The following IQCM variants were observed in gnomAD, a reference collection of about 807,000 sequenced individuals.
IQCM encodes IQ motif containing M, also known as IQ domain-containing protein M.
Under a neutral mutation model 57.6 loss-of-function variants are expected in IQCM, and 45 were observed. That is an observed-to-expected ratio of 0.78 (90% CI 0.62 to 1.00). The LOEUF is 1.00. IQCM is among the 50% of genes least tolerant of loss of function. IQCM has a pLI of 0.00. For synonymous variants in IQCM, 148 were observed against 158.9 expected (o/e 0.93, Z 0.51); for missense variants, 468 against 511.6 (o/e 0.91, Z 0.82).
At chr4:149,468,783 A>T (rs1295079781) in intron 12 of IQCM, among the ~76,000 whole-genome samples, 1 of 152,170 alleles carries the variant, frequency 6.6e-6, no homozygotes, top group East Asian at 1.9e-4. Context: ...AAGCTTCCAA[A>T]GGAAGGATCA....
At chr4:149,719,695 G>T (rs1765285929) in intron 5 of IQCM, among the ~76,000 whole-genome samples, 1 of 152,088 alleles carries the variant, frequency 6.6e-6, no homozygotes, top group Non-Finnish European at 1.5e-5. Flanking sequence ...ACTGTCTTCT[G>T]TGACCTCCAA....
At chr4:149,741,877 G>A (rs1437453544) in intron 3 of IQCM, among the ~76,000 whole-genome samples, 1 of 152,072 alleles carries the variant, frequency 6.6e-6, no homozygotes, top group Admixed American at 6.6e-5. Flanking sequence ...CTCGATAGAG[G>A]TAATAATTTT....
intron 8 of IQCM, among the ~76,000 whole-genome samples, chr4:149,589,292 T>G (rs1752912695): frequency 6.6e-6 from 1 of 151,918 alleles, no homozygotes; most frequent in South Asian, 2.1e-4. Context: ...TAACAAAAAT[T>G]TATTGGTCAG....
chr4:149,694,646 C>T (rs559080354), intron 5 of IQCM, among the ~76,000 whole-genome samples: 4 of 152,106 alleles, frequency 2.6e-5, no homozygotes, highest in African/African-American at 7.2e-5. Flanking sequence ...AACTAGTTTT[C>T]TATAATTTAA....
rs150736381 is a variant in IQCM at position 149,772,141 on chromosome 4, C to T, written c.-48-29402G>A. Among the ~76,000 whole-genome samples, 5 of 152,148 alleles carry T rather than the reference C, an allele frequency of 3.3e-5. No individual in the cohort carries two copies. In the East Asian group the frequency reaches 9.6e-4, roughly 29 times the overall value. ...GAAATTTCTGCAAATAAAATAATTA[C>T]AAATGCAGAGATACACATTTGTATA... is the stretch of plus-strand genomic sequence containing the variant. On this transcript the variant is annotated intron_variant, in intron 2 of 13. Transcript: ENST00000636793.
intron 8 of IQCM, among the ~76,000 whole-genome samples, chr4:149,602,917 A>T (rs912668605): frequency 2.0e-5 from 3 of 152,132 alleles, no homozygotes; most frequent in Admixed American, 6.5e-5. Context: ...AACCATATAT[A>T]ACAAAATACA....
chr4:149,698,064 A>G (rs1039875661), intron 5 of IQCM, among the ~76,000 whole-genome samples: 1 of 152,076 alleles, frequency 6.6e-6, no homozygotes. Flanking sequence ...GAATAAAGAC[A>G]TCTGTGCTAG....
At chr4:149,787,377 G>T (rs545973027) in intron 2 of IQCM, among the ~76,000 whole-genome samples, 1 of 151,002 alleles carries the variant, frequency 6.6e-6, no homozygotes, top group African/African-American at 2.4e-5. Context: ...AACTTATATA[G>T]AAACAAAAAA....
chr4:149,646,586 A>G (rs1482238826), intron 7 of IQCM, among the ~76,000 whole-genome samples: 2 of 152,232 alleles, frequency 1.3e-5, no homozygotes, highest in Non-Finnish European at 2.9e-5. Context: ...CAACTTTTCT[A>G]TATCCTATGT....
chr4:149,712,055 C>A (rs182613854), intron 5 of IQCM, among the ~76,000 whole-genome samples: 1 of 152,076 alleles, frequency 6.6e-6, no homozygotes, highest in African/African-American at 2.4e-5. Context: ...CAGGCTTGTT[C>A]CCCTGGTTCT....
chr4:149,704,372 C>CTGGATT (rs951218845), intron 5 of IQCM, among the ~76,000 whole-genome samples: 4 of 151,838 alleles, frequency 2.6e-5, no homozygotes, highest in African/African-American at 9.7e-5. Context: ...CAGCCCATCG[C>CTGGATT]TTATTTTTGC....
At chr4:149,390,885 T>C (rs1731802677) in intron 13 of IQCM, among the ~76,000 whole-genome samples, 1 of 151,886 alleles carries the variant, frequency 6.6e-6, no homozygotes, top group Non-Finnish European at 1.5e-5. Context: ...TGTTTTGTTT[T>C]TTTTTTCTTT....
At chr4:149,549,350 C>T (rs1266290554) in intron 11 of IQCM, among the ~76,000 whole-genome samples, 1 of 151,016 alleles carries the variant, frequency 6.6e-6, no homozygotes, top group African/African-American at 2.5e-5. Context: ...CCCGTCTCTA[C>T]TAAAAATACA....
At chr4:149,499,935 C>G (rs1242415036) in intron 12 of IQCM, among the ~76,000 whole-genome samples, 1 of 152,154 alleles carries the variant, frequency 6.6e-6, no homozygotes, top group Non-Finnish European at 1.5e-5. Flanking sequence ...TGTGTCTGAC[C>G]CTTCCTTGCT....
chr4:149,596,039 GAAAATTTCTTTAACCTTCACAAAAAATT>G (rs1753745426), intron 8 of IQCM, among the ~76,000 whole-genome samples: 1 of 152,104 alleles, frequency 6.6e-6, no homozygotes, highest in Non-Finnish European at 1.5e-5. Flanking sequence ...AGTCACTAGA[GAAAATTTCTTTAACCTTCACAAAAAATT>G]AAAACCACAG....
intron 8 of IQCM, among the ~76,000 whole-genome samples, chr4:149,596,610 AAG>A (rs912134085): frequency 6.6e-6 from 1 of 152,116 alleles, no homozygotes; most frequent in African/African-American, 2.4e-5. Context: ...GTCCTGTAGA[AAG>A]AGAGAGACTG....
intron 8 of IQCM, among the ~76,000 whole-genome samples, chr4:149,609,746 A>G (rs1755114635): frequency 1.3e-5 from 2 of 152,072 alleles, no homozygotes; most frequent in South Asian, 4.1e-4. Context: ...CAACATAACA[A>G]AAGCCATAGA....
intron 13 of IQCM, among the ~76,000 whole-genome samples, chr4:149,411,971 TATAGTCTTTTTAG>T (rs1286094670): frequency 6.6e-6 from 1 of 152,192 alleles, no homozygotes; most frequent in African/African-American, 2.4e-5. Context: ...AATTAAGCTA[TATAGTCTTTTTAG>T]ATGGATATCA....
intron 2 of IQCM, among the ~76,000 whole-genome samples, chr4:149,763,808 A>G (rs1163077612): frequency 1.3e-5 from 2 of 151,970 alleles, no homozygotes; most frequent in Admixed American, 6.6e-5. Context: ...GAATGAAGAG[A>G]AAGTCCTGCA....
Sources: allele counts gnomAD v4.1 joint callset (sites outside exome capture counted in the v4.1 genomes callset), GRCh38; gene constraint gnomAD v4.1.1; transcripts MANE v1.5; gene names NCBI Gene and HGNC (gene_info 2026-07-23, HGNC 2026-07-21).